The following PAK5 variants were observed in gnomAD, a reference collection of about 807,000 sequenced individuals.
The protein encoded by PAK5 is serine/threonine-protein kinase PAK 5.
In PAK5, 16 loss-of-function variants were observed where a neutral mutation model predicts 65.9. The ratio of observed to expected loss-of-function variants is 0.24; its 90% CI spans 0.16 to 0.37. The LOEUF is 0.37. Ranked by LOEUF, PAK5 falls within the 10% of genes least tolerant of loss-of-function variation. PAK5 has a pLI of 1.00. For synonymous variants in PAK5, 371 were observed against 354.9 expected (o/e 1.05, Z -0.51); for missense variants, 785 against 903.9 (o/e 0.87, Z 1.69).
intron 1 of PAK5, among the ~76,000 whole-genome samples, chr20:9,822,026 C>T (rs141459896): frequency 6.6e-6 from 1 of 152,110 alleles, no homozygotes; most frequent in Admixed American, 6.5e-5. Flanking sequence ...TGGTGGCTTA[C>T]GCCTATAATC....
intron 1 of PAK5, among the ~76,000 whole-genome samples, chr20:9,788,104 C>T (rs554791504): frequency 6.6e-6 from 1 of 152,080 alleles, no homozygotes; most frequent in Admixed American, 6.6e-5. Context: ...TTAAAGAAAG[C>T]ATTGACTTTG....
chr20:9,548,750 A>T (rs1323950862), intron 7 of PAK5, among the ~76,000 whole-genome samples: 1 of 152,266 alleles, frequency 6.6e-6, no homozygotes, highest in Admixed American at 6.5e-5. Flanking sequence ...CATCTGAAGC[A>T]CACTGAAGAT....
At chr20:9,791,252 A>G (rs1417470038) in intron 1 of PAK5, among the ~76,000 whole-genome samples, 1 of 152,166 alleles carries the variant, frequency 6.6e-6, no homozygotes, top group Non-Finnish European at 1.5e-5. Flanking sequence ...AAGACCTAGC[A>G]GGGTGTCTTT....
intron 2 of PAK5, among the ~76,000 whole-genome samples, chr20:9,691,207 T>G (rs981847939): frequency 1.3e-5 from 2 of 152,126 alleles, no homozygotes; most frequent in African/African-American, 4.8e-5. Flanking sequence ...GAAATGCACT[T>G]GTAGGTGTTT....
At chr20:9,563,265 A>C (rs2122979611) in intron 5 of PAK5, among the ~76,000 whole-genome samples, 1 of 152,310 alleles carries the variant, frequency 6.6e-6, no homozygotes, top group South Asian at 2.1e-4. Context: ...ACAGAGAGAA[A>C]ATGAAAACAA....
At chr20:9,821,856 T>G (rs1470158811) in intron 1 of PAK5, among the ~76,000 whole-genome samples, 1 of 152,218 alleles carries the variant, frequency 6.6e-6, no homozygotes, top group East Asian at 1.9e-4. Context: ...TCATTTTGTA[T>G]TATATATTCT....
At chr20:9,798,750 G>A (rs2049134010) in intron 1 of PAK5, among the ~76,000 whole-genome samples, 1 of 152,104 alleles carries the variant, frequency 6.6e-6, no homozygotes, top group Admixed American at 6.6e-5. Flanking sequence ...AGTGACTCTT[G>A]CAAGCAACAA....
At chr20:9,738,509 G>A (rs2048416351) in intron 1 of PAK5, among the ~76,000 whole-genome samples, 1 of 152,094 alleles carries the variant, frequency 6.6e-6, no homozygotes, top group South Asian at 2.1e-4. Context: ...ATTGACACAT[G>A]CTACAACATG....
Position 9,557,588 on chromosome 20 carries a change from G to A in PAK5, c.1743+20C>T. On this transcript the variant is annotated intron_variant, in intron 7 of 9. Transcript: ENST00000353224. ...GAGTGACAAGAAAAACTACGAACGGGCCAAACATGAACATCTTACCCGGCC... is the reference window on the plus strand; with the variant it reads ...GAGTGACAAGAAAAACTACGAACGGACCAAACATGAACATCTTACCCGGCC... 1 of 1,598,680 alleles carries A rather than the reference G, an allele frequency of 6.3e-7. No homozygotes were observed. Among genetic ancestry groups the A allele is most frequent in the Non-Finnish European group, 8.5e-7 (1 of 1,172,792 alleles).
chr20:9,539,767 G>C, intron 9 of PAK5, 150 bp from the exon 10 acceptor site: 1 of 648,958 alleles, frequency 1.5e-6, no homozygotes. Flanking sequence ...AGCATGTCTT[G>C]TCTTTGTTAA....
chr20:9,832,521 C>T (rs1380342938), intron 1 of PAK5, among the ~76,000 whole-genome samples: 1 of 152,112 alleles, frequency 6.6e-6, no homozygotes, highest in Non-Finnish European at 1.5e-5. Context: ...GATTCACCTG[C>T]CTTGGCCTCC....
intron 2 of PAK5, among the ~76,000 whole-genome samples, chr20:9,668,359 A>T (rs929718455): frequency 3.9e-5 from 6 of 152,188 alleles, no homozygotes; most frequent in Admixed American, 3.3e-4. Context: ...TGCCTGAAGA[A>T]TGTATAAGGG....
chr20:9,668,724 G>C (rs1414359256), intron 2 of PAK5, among the ~76,000 whole-genome samples: 2 of 152,210 alleles, frequency 1.3e-5, no homozygotes, highest in African/African-American at 4.8e-5. Context: ...CTGGATACCA[G>C]GGTGCTATTT....
chr20:9,768,813 G>GAAAAAAAAAAAAAAAAAAAAACAA (rs1569080584), intron 1 of PAK5, among the ~76,000 whole-genome samples: 1 of 112,030 alleles, frequency 8.9e-6, no homozygotes, highest in Non-Finnish European at 1.8e-5. Context: ...AAAAAAAAGG[G>GAAAAAAAAAAAAAAAAAAAAACAA]AAAGAAAGAA....
chr20:9,644,344 G>T lies in PAK5; in HGVS notation c.-11-5C>A, dbSNP rs750959570. On this transcript the variant is annotated splice_polypyrimidine_tract_variant and splice_region_variant and intron_variant, in intron 2 of 9. Transcript: ENST00000353224. ...TCCCAAACATGATGCCAAAACCTGG[G>T]AAATATAAATGGAAAAGAGGCAGCC... is the stretch of plus-strand genomic sequence containing the variant. The T allele has an allele frequency of 6.3e-7, 1 of 1,597,364 alleles. No individual in the cohort carries two copies. The highest frequency in any genetic ancestry group is 1.3e-5 in the African/African-American group (1 of 74,382).
intron 1 of PAK5, among the ~76,000 whole-genome samples, chr20:9,771,320 T>C (rs6056853): frequency 0.77 from 117,558 of 152,056 alleles, 45,483 homozygotes; most frequent in East Asian, 0.87. Flanking sequence ...GGTTGAATCT[T>C]GCCAACTTCA....
chr20:9,824,276 G>A (rs897288466), intron 1 of PAK5, among the ~76,000 whole-genome samples: 14 of 152,190 alleles, frequency 9.2e-5, no homozygotes, highest in South Asian at 2.1e-4. Context: ...AAGGAAGGCC[G>A]TGTGTGGTGG....
intron 3 of PAK5, among the ~76,000 whole-genome samples, chr20:9,612,870 T>A (rs961992442): frequency 8.5e-5 from 13 of 152,116 alleles, no homozygotes; most frequent in Non-Finnish European, 1.9e-4. Context: ...TATCACCACG[T>A]GATGTTTATT....
intron 1 of PAK5, among the ~76,000 whole-genome samples, chr20:9,721,545 C>T (rs891105766): frequency 5.4e-5 from 8 of 149,494 alleles, no homozygotes; most frequent in Admixed American, 2.0e-4. Context: ...CTCAGCTACT[C>T]GGGAGGCTGA....
Sources: allele counts gnomAD v4.1 joint callset (sites outside exome capture counted in the v4.1 genomes callset), GRCh38; gene constraint gnomAD v4.1.1; transcripts MANE v1.5; gene names NCBI Gene and HGNC (gene_info 2026-07-23, HGNC 2026-07-21).